Variants in GPC5 observed in about 807,000 individuals in gnomAD.
The protein encoded by GPC5 is glypican-5.
GPC5 carries 47 observed loss-of-function variants against 53.9 expected under a neutral mutation model. The ratio of observed to expected loss-of-function variants is 0.87; its 90% CI spans 0.69 to 1.11. The LOEUF (loss-of-function observed/expected upper bound fraction) is 1.11, where lower values mean the gene tolerates loss of function less well. Ranked by LOEUF, GPC5 falls within the 50% of genes most tolerant of loss-of-function variation. GPC5 has a pLI of 0.00. For synonymous variants in GPC5, 286 were observed against 263.3 expected (o/e 1.09, Z -0.84); for missense variants, 748 against 713.1 (o/e 1.05, Z -0.56).
intron 2 of GPC5, among the ~76,000 whole-genome samples, chr13:91,507,425 C>T (rs561348722): frequency 3.9e-5 from 6 of 152,112 alleles, no homozygotes; most frequent in African/African-American, 1.4e-4. Flanking sequence ...ACAATCATGG[C>T]GGAAGGCAAG....
chr13:92,544,470 AT>A lies in GPC5; in HGVS notation c.1562-321806del, dbSNP rs1319907413. ...ACCTGGAGGAATTTTCTGTGTGACA[AT>A]TTTTTAAGAGACATTATTTGGGTGT... On this transcript the variant is annotated intron_variant, in intron 7 of 7. Coordinates refer to ENST00000377067, the MANE Select transcript of GPC5 (RefSeq NM_004466.6). Among the ~76,000 whole-genome samples the A allele has an allele frequency of 3.3e-5, 5 of 152,094 alleles. No homozygotes were observed. In the East Asian group the frequency reaches 9.6e-4, roughly 29 times the overall value.
chr13:91,861,051 G>T (rs9556123), intron 5 of GPC5, among the ~76,000 whole-genome samples: 1 of 151,906 alleles, frequency 6.6e-6, no homozygotes, highest in Non-Finnish European at 1.5e-5. Context: ...CATTGATTTC[G>T]AATTAAATTT....
At chr13:91,746,090 A>G (rs1016224662) in intron 4 of GPC5, among the ~76,000 whole-genome samples, 2 of 152,194 alleles carry the variant, frequency 1.3e-5, no homozygotes, top group African/African-American at 4.8e-5. Flanking sequence ...TTATCTAGAA[A>G]CCTGTAATTA....
intron 7 of GPC5, among the ~76,000 whole-genome samples, chr13:92,617,445 C>A (rs1335094625): frequency 6.6e-6 from 1 of 152,102 alleles, no homozygotes; most frequent in Non-Finnish European, 1.5e-5. Context: ...TAATCTTTCT[C>A]CCTTCTGCTA....
chr13:91,427,212 G>T (rs1259333740), intron 1 of GPC5, among the ~76,000 whole-genome samples: 1 of 152,220 alleles, frequency 6.6e-6, no homozygotes, highest in Non-Finnish European at 1.5e-5. Flanking sequence ...GAGGGCTGCA[G>T]TCTTCTAGAC....
At chr13:91,410,550 G>T (rs968065382) in intron 1 of GPC5, among the ~76,000 whole-genome samples, 97 of 151,610 alleles carry the variant, frequency 6.4e-4, no homozygotes, top group African/African-American at 2.2e-3. Flanking sequence ...GTTTCACTGT[G>T]TTAGCCAGGA....
intron 7 of GPC5, among the ~76,000 whole-genome samples, chr13:92,163,412 G>A (rs2042004854): frequency 1.4e-5 from 2 of 141,674 alleles, no homozygotes; most frequent in South Asian, 4.4e-4. Flanking sequence ...AGTGAGCCGA[G>A]ATTGCACCAC....
intron 7 of GPC5, among the ~76,000 whole-genome samples, chr13:92,667,544 T>C (rs915241324): frequency 6.6e-5 from 10 of 152,078 alleles, no homozygotes; most frequent in African/African-American, 2.4e-4. Flanking sequence ...AATTGAGGTT[T>C]TCTGTGTAAT....
rs1423093087 is a variant in GPC5, at chr13:92,840,679, A to AAG, written c.1562-25603_1562-25602insAG. Among the ~76,000 whole-genome samples the AAG allele has an allele frequency of 7.9e-5, 12 of 152,176 alleles. No individual in the cohort carries two copies. The South Asian group carries it at 2.5e-3, about 32-fold the overall frequency. On this transcript the variant is annotated intron_variant, in intron 7 of 7. Transcript: ENST00000377067. Reference sequence around the variant, plus strand: ...TTGATAGGGATTGCATTAAGTTTATAGATTGCTTTGGGTAGTATGGATATT... The same window carrying AAG: ...TTGATAGGGATTGCATTAAGTTTATAAGGATTGCTTTGGGTAGTATGGATATT...
At chr13:92,385,609 A>G (rs1470981676) in intron 7 of GPC5, among the ~76,000 whole-genome samples, 1 of 144,454 alleles carries the variant, frequency 6.9e-6, no homozygotes, top group Admixed American at 7.2e-5. Flanking sequence ...ATATATACAC[A>G]TATACATATA....
At chr13:91,635,568 G>C (rs1236640316) in intron 2 of GPC5, among the ~76,000 whole-genome samples, 3 of 151,966 alleles carry the variant, frequency 2.0e-5, no homozygotes, top group African/African-American at 7.2e-5. Context: ...AAATACTAAT[G>C]AATATTTTGC....
chr13:92,022,349 G>A (rs181449365), intron 6 of GPC5, among the ~76,000 whole-genome samples: 6 of 152,080 alleles, frequency 3.9e-5, no homozygotes, highest in Non-Finnish European at 7.4e-5. Context: ...TCTTGAAGCC[G>A]GTTTTAGTCT....
intron 6 of GPC5, among the ~76,000 whole-genome samples, chr13:92,104,961 A>G (rs558060609): frequency 5.3e-5 from 8 of 152,284 alleles, no homozygotes; most frequent in African/African-American, 1.9e-4. Context: ...GTTTTTGTTC[A>G]GTCATTGAAC....
At chr13:91,728,223 T>A (rs563801184) in intron 3 of GPC5, among the ~76,000 whole-genome samples, 45 of 152,126 alleles carry the variant, frequency 3.0e-4, no homozygotes, top group Non-Finnish European at 5.6e-4. Flanking sequence ...ATAATATCTA[T>A]TTTGGTAAAG....
intron 7 of GPC5, among the ~76,000 whole-genome samples, chr13:92,628,264 C>CTGTTTTTTTTTTTTTT (rs1885114961): frequency 2.2e-5 from 1 of 45,338 alleles, no homozygotes; most frequent in Non-Finnish European, 4.3e-5. Flanking sequence ...CTTTTTCTTT[C>CTGTTTTTTTTTTTTTT]TTTTTTTTTT....
chr13:92,672,558 T>C (rs1293216164), intron 7 of GPC5, among the ~76,000 whole-genome samples: 2 of 152,114 alleles, frequency 1.3e-5, no homozygotes, highest in Non-Finnish European at 2.9e-5. Context: ...ATATAAATCA[T>C]TATATTATAA....
Position 91,862,991 on chromosome 13 carries a change from CT to C in GPC5, c.1281-44941del, listed in dbSNP as rs1222673590. On this transcript the variant is annotated intron_variant, in intron 5 of 7. Transcript: ENST00000377067. ...TCCTTTCTCCTTCTCTTTCCCCTTC[CT>C]TTTTCTCCTCCCTCTCCCTTTCCCT... Among the ~76,000 whole-genome samples, 5 of 151,074 alleles carry C rather than the reference CT, an allele frequency of 3.3e-5. No homozygotes were observed. The South Asian group carries it at 1.1e-3, about 32-fold the overall frequency.
intron 7 of GPC5, among the ~76,000 whole-genome samples, chr13:92,625,449 T>C (rs1251411846): frequency 6.6e-6 from 1 of 152,202 alleles, no homozygotes; most frequent in Non-Finnish European, 1.5e-5. Context: ...GAAATAGCTA[T>C]ATTAATAAGT....
intron 6 of GPC5, among the ~76,000 whole-genome samples, chr13:91,924,644 A>G (rs1206674440): frequency 6.6e-6 from 1 of 151,944 alleles, no homozygotes; most frequent in African/African-American, 2.4e-5. Flanking sequence ...AGGAGGCTGA[A>G]GTAGGAGAAT....
Sources: allele counts gnomAD v4.1 joint callset (sites outside exome capture counted in the v4.1 genomes callset), GRCh38; gene constraint gnomAD v4.1.1; transcripts MANE v1.5; gene names NCBI Gene and HGNC (gene_info 2026-07-23, HGNC 2026-07-21).